The following ZBTB40 variants were observed in gnomAD, a reference collection of about 807,000 sequenced individuals.
ZBTB40 encodes the protein zinc finger and BTB domain-containing protein 40.
Under a neutral mutation model 117.5 loss-of-function variants are expected in ZBTB40, and 60 were observed. The ratio of observed to expected loss-of-function variants is 0.51; its 90% CI spans 0.41 to 0.63. The LOEUF is 0.63. Ranked by LOEUF, ZBTB40 falls within the 30% of genes least tolerant of loss-of-function variation. The probability of loss-of-function intolerance (pLI) is 0.00; values close to 1 mark genes in which losing one functional copy is unlikely to be tolerated. For missense variants in ZBTB40, 1,287 were observed against 1,498.5 expected, an observed-to-expected ratio of 0.86 and a Z score of 2.33; for synonymous variants, 525 against 577.1, an observed-to-expected ratio of 0.91 and a Z score of 1.29.
At chr1:22,501,147 C>G (rs1205770189) in intron 3 of ZBTB40, among the ~76,000 whole-genome samples, 2 of 151,736 alleles carry the variant, frequency 1.3e-5, no homozygotes, top group South Asian at 4.2e-4. Context: ...TTCAAGAAGT[C>G]TAGTAGGAGA....
At position 22,511,951 on chromosome 1, in the gene ZBTB40, G is replaced by T. The variant is rs371611516; in HGVS notation, c.2278G>T (p.Val760Leu). 3 of 1,614,122 alleles carry T rather than the reference G, an allele frequency of 1.9e-6. No individual in the cohort carries two copies. Among genetic ancestry groups the T allele is most frequent in the African/African-American group, 1.3e-5 (1 of 74,938 alleles). The part of the protein sequence containing the change: ...RLKVHMKRCR[V>L]AKSKQVQCKE... ...AAAGGTGCACATGAAGCGCTGCCGG[G>T]TGGCTAAGAGCAAACAGGTGCAGTG... Residue 760 changes from valine (V) to leucine (L), a missense_variant, in exon 11 of 18, where the codon GTG becomes TTG. By Grantham distance (32) the Val-to-Leu change is conservative (BLOSUM62 1). This residue lies in a region of ZBTB40 where 870 missense variants were observed against 934.4 expected (regional missense o/e 0.93). Coordinates refer to ENST00000375647, the MANE Select transcript of ZBTB40 (RefSeq NM_014870.4).
In ZBTB40 at chr1:22,524,241, T is replaced by C; in HGVS notation, c.3322T>C (p.Tyr1108His). The C allele has an allele frequency of 3.1e-6, 5 of 1,614,192 alleles. No homozygotes were observed. The highest frequency in any genetic ancestry group is 3.4e-6 in the Non-Finnish European group (4 of 1,180,032). The change falls in exon 17 of 18, where the codon TAC becomes CAC. Residue 1108 changes from tyrosine to histidine, a missense_variant. By Grantham distance (83) the Tyr-to-His change is moderately conservative. Around this residue, in one of 2 missense-constraint regions of ZBTB40, gnomAD observed 417 missense variants for 564.1 expected, o/e 0.74. Coordinates refer to ENST00000375647, the MANE Select transcript of ZBTB40 (RefSeq NM_014870.4). ...HSGSQPFRCL[Y>H]CAATFRFPGA... ...AGGGTCCCAGCCATTCCGGTGCTTG[T>C]ACTGTGCTGCTACTTTCCGTTTTCC...
intron 1 of ZBTB40, among the ~76,000 whole-genome samples, chr1:22,458,065 ATATT>A (rs1641043601): frequency 6.6e-6 from 1 of 152,186 alleles, no homozygotes; most frequent in South Asian, 2.1e-4. Context: ...CTTTCAGCAC[ATATT>A]TAGTTAGGCT....
At chr1:22,445,508 C>T (rs932705509) in intron 1 of ZBTB40, among the ~76,000 whole-genome samples, 1 of 152,062 alleles carries the variant, frequency 6.6e-6, no homozygotes, top group Non-Finnish European at 1.5e-5. Context: ...TCTTATTTAC[C>T]CAGTACATTA....
intron 3 of ZBTB40, 105 bp downstream of exon 3, chr1:22,491,638 A>C: frequency 7.3e-7 from 1 of 1,372,606 alleles, no homozygotes; most frequent in East Asian, 2.3e-5. Flanking sequence ...CAATGTTTTG[A>C]AACTTTAATT....
chr1:22,504,822 C>T (rs1207691936), intron 5 of ZBTB40, among the ~76,000 whole-genome samples: 2 of 152,218 alleles, frequency 1.3e-5, no homozygotes, highest in African/African-American at 4.8e-5. Flanking sequence ...GTCTGTCTGG[C>T]TTTAAAGCCT....
chr1:22,508,813 T>A, intron 8 of ZBTB40, 82 bp downstream of exon 8: 1 of 1,416,662 alleles, frequency 7.1e-7, no homozygotes, highest in Non-Finnish European at 9.7e-7. Context: ...AGAGCTCTCT[T>A]AACGGTAGTC....
intron 1 of ZBTB40, among the ~76,000 whole-genome samples, chr1:22,471,457 G>A (rs1324193556): frequency 6.6e-6 from 1 of 152,222 alleles, no homozygotes; most frequent in African/African-American, 2.4e-5. Flanking sequence ...TAGCTGTGTG[G>A]TCTTGTGGGT....
rs766474050 is a variant in ZBTB40 at position 22,481,787 on chromosome 1, CAAAAAAA to C, written c.-69-8071_-69-8065del. Among the ~76,000 whole-genome samples, 199 of 64,312 alleles carry C rather than the reference CAAAAAAA, an allele frequency of 3.1e-3. 1 individual carries two copies. Among genetic ancestry groups the C allele is most frequent in the African/African-American group, 4.1e-3 (60 of 14,596 alleles). 42.2% of individuals were successfully genotyped at this position (64,312 alleles called of 152,430 possible). A position where few individuals can be genotyped will look rare whatever the true frequency, so the allele number is the denominator to read the frequency against. Reference sequence around the variant, plus strand: ...CCGTAAGACTTATGTCTTGTTTTACCAAAAAAAAAAAAAAAAAAAAAAAAAAAATCAC... The same window carrying C: ...CCGTAAGACTTATGTCTTGTTTTACCAAAAAAAAAAAAAAAAAAAAATCAC... On this transcript the variant is annotated intron_variant, in intron 1 of 17. Transcript: ENST00000375647.
rs544988614 is a variant in ZBTB40, at chr1:22,528,552, G to A, written c.*2156G>A. Reference sequence around the variant, plus strand: ...TTCTCAGGTTTCTTTTTTTGGGGGAGACAGGGTCTTGCTCTGTCACCCAGA... The same window carrying A: ...TTCTCAGGTTTCTTTTTTTGGGGGAAACAGGGTCTTGCTCTGTCACCCAGA... On this transcript the variant is annotated 3_prime_UTR_variant, in exon 18 of 18. Coordinates refer to ENST00000375647, the MANE Select transcript of ZBTB40 (RefSeq NM_014870.4). 33 of 152,382 alleles carry A rather than the reference G, an allele frequency of 2.2e-4. No individual in the cohort carries two copies. Among genetic ancestry groups the A allele is most frequent in the African/African-American group, 7.5e-4 (31 of 41,540 alleles). 9.4% of individuals were successfully genotyped at this position (152,382 alleles called of 1,614,324 possible). A position where few individuals can be genotyped will look rare whatever the true frequency, so the allele number is the denominator to read the frequency against.
intron 1 of ZBTB40, among the ~76,000 whole-genome samples, chr1:22,433,535 A>AT (rs1640629527): frequency 6.7e-6 from 1 of 149,436 alleles, no homozygotes; most frequent in Non-Finnish European, 1.5e-5. Context: ...GAGATGACTT[A>AT]AAGTATACAG....
chr1:22,449,065 C>T (rs543410275), upstream of ZBTB40, among the ~76,000 whole-genome samples: 26 of 152,154 alleles, frequency 1.7e-4, no homozygotes, highest in South Asian at 3.5e-3. Flanking sequence ...CCGCCTGCCT[C>T]GGCCTCCCAA....
At chr1:22,498,547 AC>A (rs1306271124) in intron 3 of ZBTB40, among the ~76,000 whole-genome samples, 1 of 152,212 alleles carries the variant, frequency 6.6e-6, no homozygotes, top group African/African-American at 2.4e-5. Context: ...TCATCAGCCC[AC>A]CCCTGCTTCT....
chr1:22,479,157 T>G (rs534912862), intron 1 of ZBTB40, among the ~76,000 whole-genome samples: 3 of 152,352 alleles, frequency 2.0e-5, no homozygotes, highest in Admixed American at 2.0e-4. Flanking sequence ...CAATCTGTTC[T>G]TCAAGTAGGT....
chr1:22,519,745 A>AG, intron 13 of ZBTB40: 19 of 388,610 alleles, frequency 4.9e-5, no homozygotes, highest in Admixed American at 7.4e-5. Flanking sequence ...AGCCAGGGTG[A>AG]AACTCCCTGG....
intron 12 of ZBTB40, among the ~76,000 whole-genome samples, chr1:22,516,716 C>G (rs1639382748): frequency 6.6e-6 from 1 of 152,154 alleles, no homozygotes; most frequent in Admixed American, 6.5e-5. Context: ...TTCAGTTGGT[C>G]TAGCATTTCT....
intron 11 of ZBTB40, 50 bp from the exon 12 acceptor site, chr1:22,512,874 C>A: frequency 6.3e-7 from 1 of 1,597,122 alleles, no homozygotes; most frequent in Non-Finnish European, 8.6e-7. Flanking sequence ...AGATTCCTAA[C>A]ACTGATTAGT....
At chr1:22,525,766 A>G (rs1346350282) in intron 17 of ZBTB40, among the ~76,000 whole-genome samples, 1 of 152,226 alleles carries the variant, frequency 6.6e-6, no homozygotes, top group Non-Finnish European at 1.5e-5. Context: ...CGAGAGGTCC[A>G]GAGAGGCTGC....
rs758437253 is a variant in ZBTB40 at position 22,526,289 on chromosome 1, A to G, written c.3613A>G (p.Thr1205Ala). Residue 1205 changes from threonine to alanine, a missense_variant, in exon 18 of 18, where the codon ACG (threonine) becomes GCG (alanine). Coordinates refer to ENST00000375647, the MANE Select transcript of ZBTB40 (RefSeq NM_014870.4). ...TQLAGSQVFV[T>A]LPDSQASQAS... ...GCTTGCCGGGTCGCAGGTGTTTGTG[A>G]CGTTGCCAGATTCTCAGGCATCTCA... is the stretch of plus-strand genomic sequence containing the variant. 2 of 1,614,192 alleles carry G rather than the reference A, an allele frequency of 1.2e-6. No individual in the cohort carries two copies. Among genetic ancestry groups the G allele is most frequent in the Admixed American group, 3.3e-5 (2 of 60,024 alleles).
Sources: gnomAD v4.1 joint callset for allele counts (sites outside exome capture counted in the v4.1 genomes callset) on GRCh38, gnomAD v4.1.1 for gene constraint, gnomAD v4.1.1 regional missense constraint, MANE v1.5 for transcripts, NCBI Gene and HGNC (gene_info 2026-07-23, HGNC 2026-07-21) for gene names.